WWOX: variants seen among roughly 807,000 people sequenced by gnomAD.
WWOX encodes WW domain containing oxidoreductase, also known as WW domain-containing oxidoreductase.
WWOX carries 69 observed loss-of-function variants against 46.2 expected under a neutral mutation model. The observed-to-expected ratio is 1.49, with a 90% CI of 1.23 to 1.82. The LOEUF is 1.82. WWOX is among the 40% of genes most tolerant of loss of function. The pLI is 0.00. For synonymous variants in WWOX, 359 were observed against 202.6 expected, an observed-to-expected ratio of 1.77 and a Z score of -6.56; for missense variants, 919 against 542.6, an observed-to-expected ratio of 1.69 and a Z score of -6.89.
chr16:79,092,366 C>G (rs1326581741), intron 8 of WWOX, among the ~76,000 whole-genome samples: 3 of 152,186 alleles, frequency 2.0e-5, no homozygotes, highest in Non-Finnish European at 2.9e-5. Context: ...TGGCAGCCGC[C>G]TAGCCTGTGG....
chr16:78,732,540 G>A (rs185030783), intron 8 of WWOX, among the ~76,000 whole-genome samples: 63 of 152,188 alleles, frequency 4.1e-4, no homozygotes, highest in African/African-American at 1.4e-3. Flanking sequence ...CATGAATAGC[G>A]CATGTGGTAG....
chr16:78,861,200 C>T (rs771942283), intron 8 of WWOX, among the ~76,000 whole-genome samples: 1 of 151,966 alleles, frequency 6.6e-6, no homozygotes, highest in Non-Finnish European at 1.5e-5. Flanking sequence ...TTTTCCTTCT[C>T]TGTTGAAGGC....
intron 8 of WWOX, among the ~76,000 whole-genome samples, chr16:78,913,658 C>T (rs1029455844): frequency 2.0e-5 from 3 of 147,690 alleles, no homozygotes; most frequent in African/African-American, 7.3e-5. Context: ...CATACTGCTA[C>T]AGTTTTTTTT....
chr16:78,214,561 T>C (rs2151791332), intron 5 of WWOX, among the ~76,000 whole-genome samples: 1 of 152,284 alleles, frequency 6.6e-6, no homozygotes, highest in South Asian at 2.1e-4. Context: ...CCTCTGAATA[T>C]GCTGTCCCTT....
intron 8 of WWOX, chr16:79,205,420 T>A (rs563264694): frequency 3.9e-5 from 6 of 152,326 alleles, no homozygotes; most frequent in African/African-American, 1.4e-4. Flanking sequence ...TTTTTCCTTG[T>A]GGCAAAAGAT....
intron 8 of WWOX, among the ~76,000 whole-genome samples, chr16:78,521,783 G>GT (rs71811874): frequency 0.039 from 5,680 of 147,420 alleles, 148 homozygotes; most frequent in Non-Finnish European, 0.059. Flanking sequence ...CACATAACTT[G>GT]TTTTTTTTTT....
At chr16:78,776,117 G>A (rs980880180) in intron 8 of WWOX, among the ~76,000 whole-genome samples, 2 of 152,222 alleles carry the variant, frequency 1.3e-5, no homozygotes, top group African/African-American at 4.8e-5. Flanking sequence ...ATACTGGGAA[G>A]TAAAAGGGAG....
At chr16:78,413,766 G>T (rs555863739) in intron 6 of WWOX, among the ~76,000 whole-genome samples, 12 of 152,148 alleles carry the variant, frequency 7.9e-5, no homozygotes, top group Admixed American at 7.2e-4. Flanking sequence ...TGCTGACTCA[G>T]TTCCTGGGTG....
chr16:79,169,858 G>C (rs1231680732), intron 8 of WWOX, among the ~76,000 whole-genome samples: 2 of 152,168 alleles, frequency 1.3e-5, no homozygotes, highest in Non-Finnish European at 2.9e-5. Flanking sequence ...CTGTATTGCA[G>C]GGAAGTTCTT....
At chr16:78,144,450 C>CGTATATATATATAT (rs1555543046) in intron 4 of WWOX, among the ~76,000 whole-genome samples, 2 of 24,926 alleles carry the variant, frequency 8.0e-5, no homozygotes, top group Non-Finnish European at 1.5e-4. Flanking sequence ...TATATATACA[C>CGTATATATATATAT]ATATATATAT....
At chr16:78,623,718 G>A (rs1210799124) in intron 8 of WWOX, among the ~76,000 whole-genome samples, 2 of 134,906 alleles carry the variant, frequency 1.5e-5, no homozygotes, top group Non-Finnish European at 3.1e-5. Flanking sequence ...CTGGGCAACA[G>A]AGTCAGACTC....
At chr16:78,692,570 G>A (rs374289286) in intron 8 of WWOX, among the ~76,000 whole-genome samples, 6 of 152,124 alleles carry the variant, frequency 3.9e-5, no homozygotes, top group East Asian at 1.9e-4. Flanking sequence ...ATTTATAGAC[G>A]TTCCTCTCTG....
chr16:78,104,006 T>C (rs1051574824), intron 1 of WWOX, among the ~76,000 whole-genome samples: 51 of 152,124 alleles, frequency 3.4e-4, no homozygotes, highest in African/African-American at 1.2e-3. Context: ...GGTGGGCCTT[T>C]CTTCTACCCC....
At chr16:78,129,019 A>G (rs1242447981) in intron 4 of WWOX, among the ~76,000 whole-genome samples, 3 of 152,188 alleles carry the variant, frequency 2.0e-5, no homozygotes, top group Non-Finnish European at 4.4e-5. Context: ...GCTCTGTAGT[A>G]GATCCATATG....
chr16:78,227,975 A>G (rs1009379095), intron 5 of WWOX, among the ~76,000 whole-genome samples: 1 of 152,148 alleles, frequency 6.6e-6, no homozygotes, highest in African/African-American at 2.4e-5. Flanking sequence ...CCATTTCACC[A>G]CAAGATGTCA....
At chr16:78,812,565 TAA>T (rs113895537) in intron 8 of WWOX, among the ~76,000 whole-genome samples, 1 of 144,602 alleles carries the variant, frequency 6.9e-6, no homozygotes, top group Middle Eastern at 3.6e-3. Flanking sequence ...CTACTAAAAA[TAA>T]AAAAAAAAAA....
chr16:78,974,505 A>G (rs1247137168), intron 8 of WWOX, among the ~76,000 whole-genome samples: 2 of 152,208 alleles, frequency 1.3e-5, no homozygotes, highest in Non-Finnish European at 2.9e-5. Flanking sequence ...GATGTGATGA[A>G]TCCGTCTCTG....
intron 8 of WWOX, among the ~76,000 whole-genome samples, chr16:78,502,471 G>A (rs1235076548): frequency 6.6e-6 from 1 of 152,106 alleles, no homozygotes; most frequent in Non-Finnish European, 1.5e-5. Flanking sequence ...CTTCCTCTTA[G>A]CATCATGTTT....
At chr16:78,530,915 A>C (rs891737943) in intron 8 of WWOX, among the ~76,000 whole-genome samples, 1 of 152,148 alleles carries the variant, frequency 6.6e-6, no homozygotes, top group East Asian at 1.9e-4. Flanking sequence ...TAATTTCACA[A>C]CTCCATAAAG....
Sources: gnomAD v4.1 joint callset for allele counts (sites outside exome capture counted in the v4.1 genomes callset) on GRCh38, gnomAD v4.1.1 for gene constraint, MANE v1.5 for transcripts, NCBI Gene and HGNC (gene_info 2026-07-23, HGNC 2026-07-21) for gene names.